Variants in MTRF1 observed in about 807,000 individuals in gnomAD.
The protein encoded by MTRF1 is mitochondrial translation release factor 1, also known as peptide chain release factor 1, mitochondrial.
In MTRF1, 51 loss-of-function variants were observed where a neutral mutation model predicts 62.9. The observed-to-expected ratio is 0.81, with a 90% confidence interval of 0.65 to 1.02. The LOEUF (loss-of-function observed/expected upper bound fraction) is 1.02, where lower values mean the gene tolerates loss of function less well. Ranked by LOEUF, MTRF1 falls within the 50% of genes least tolerant of loss-of-function variation. The pLI is 0.00. For synonymous variants in MTRF1, 158 were observed against 181.9 expected (o/e 0.87, Z 1.06); for missense variants, 446 against 530.0 (o/e 0.84, Z 1.56).
chr13:41,231,766 T>C (rs1253183368), intron 7 of MTRF1, among the ~76,000 whole-genome samples: 4 of 149,476 alleles, frequency 2.7e-5, no homozygotes. Flanking sequence ...ATGGGCTGAG[T>C]GTAGTGGCTC....
At chr13:41,231,878 C>CAAAAAAAAAAAAAACAAAAAAAAAAAA in intron 7 of MTRF1, among the ~76,000 whole-genome samples, 1 of 104,090 alleles carries the variant, frequency 9.6e-6, no homozygotes, top group Non-Finnish European at 2.0e-5. Flanking sequence ...TGGTGTCTAC[C>CAAAAAAAAAAAAAACAAAAAAAAAAAA]AAAAAAAAAA....
rs374983188 is a variant in MTRF1, at chr13:41,222,483, T to TG, written c.1224+772dup. Among the ~76,000 whole-genome samples, 500 of 152,284 alleles carry TG rather than the reference T, an allele frequency of 3.3e-3. 3 individuals carry two copies. The highest frequency in any genetic ancestry group is 0.011 in the African/African-American group (447 of 41,540). ...GTGCAGACAGGACCTGTGAAAATGATGGAGTATCATTCTAGTGCCTAGGTG... is the reference window on the plus strand; with the variant it reads ...GTGCAGACAGGACCTGTGAAAATGATGGGAGTATCATTCTAGTGCCTAGGTG... On this transcript the variant is annotated intron_variant, in intron 9 of 9. Coordinates refer to ENST00000379480, the MANE Select transcript of MTRF1 (RefSeq NM_004294.4).
intron 5 of MTRF1, among the ~76,000 whole-genome samples, chr13:41,248,101 G>T (rs191601663): frequency 4.2e-4 from 64 of 152,088 alleles, no homozygotes; most frequent in Non-Finnish European, 4.6e-4. Context: ...GTATCCTGGG[G>T]TGTCTCCTCA....
At chr13:41,311,384 CCAATTGCA>C in the MTRF1 span, 1 of 725,046 alleles carries the variant, frequency 1.4e-6, no homozygotes, top group East Asian at 2.9e-5. Context: ...GCCAGGCTGC[CCAATTGCA>C]ACTGTAGACC....
At chr13:41,252,569 C>A in intron 5 of MTRF1, 76 bp downstream of exon 5, 1 of 1,158,042 alleles carries the variant, frequency 8.6e-7, no homozygotes, top group East Asian at 2.5e-5. Flanking sequence ...AAAAATGGGA[C>A]AATATGGTTC....
the MTRF1 span, among the ~76,000 whole-genome samples, chr13:41,272,313 G>A: frequency 1.3e-5 from 2 of 152,186 alleles, no homozygotes; most frequent in Non-Finnish European, 2.9e-5. Context: ...AGGGGAAGGA[G>A]GTATAGGGTG....
chr13:41,265,471 C>A (rs1005196921), upstream of MTRF1, among the ~76,000 whole-genome samples: 1 of 151,558 alleles, frequency 6.6e-6, no homozygotes, highest in Non-Finnish European at 1.5e-5. Context: ...TGTTTATATT[C>A]ATAATCATGT....
chr13:41,227,235 C>T (rs929506780), intron 7 of MTRF1, among the ~76,000 whole-genome samples: 14 of 150,712 alleles, frequency 9.3e-5, no homozygotes, highest in African/African-American at 9.8e-5. Context: ...TGCAGTCAGC[C>T]GAGATTATGC....
At chr13:41,223,673 CA>C (rs2138693039) in intron 8 of MTRF1, among the ~76,000 whole-genome samples, 1 of 152,216 alleles carries the variant, frequency 6.6e-6, no homozygotes, top group African/African-American at 2.4e-5. Context: ...CTCTTTTATC[CA>C]AGTAGAAAAT....
At chr13:41,263,379 GGCA>G (rs1156752834) in intron 1 of MTRF1, 103 bp downstream of exon 1, 4 of 1,074,282 alleles carry the variant, frequency 3.7e-6, no homozygotes, top group Non-Finnish European at 5.0e-6. Flanking sequence ...CAGCCCGCGG[GGCA>G]GCAGCACGGG....
At chr13:41,254,935 A>G (rs1181788611) in intron 2 of MTRF1, among the ~76,000 whole-genome samples, 2 of 152,238 alleles carry the variant, frequency 1.3e-5, no homozygotes, top group African/African-American at 4.8e-5. Context: ...TGCTTAATAT[A>G]GAAACCCACA....
chr13:41,296,068 T>C, the MTRF1 span, among the ~76,000 whole-genome samples: 2 of 152,156 alleles, frequency 1.3e-5, no homozygotes, highest in Non-Finnish European at 2.9e-5. Flanking sequence ...CTTGGTCTCC[T>C]GAGTAGCTAG....
At chr13:41,269,835 T>C in the MTRF1 span, among the ~76,000 whole-genome samples, 1 of 152,218 alleles carries the variant, frequency 6.6e-6, no homozygotes, top group African/African-American at 2.4e-5. Context: ...CTGACCTAAC[T>C]GACTCCATCT....
At position 41,230,160 on chromosome 13, in the gene MTRF1, GT is replaced by G. The variant is rs551379887; in HGVS notation, c.989-3593del. ...GGGAAAAAATGGCATATTTTTATAT[GT>G]ACAGAAAAGAATTTGAAAGGATGTA... On this transcript the variant is annotated intron_variant, in intron 7 of 9. Transcript: ENST00000379480. 6.3e-4 allele frequency among the ~76,000 whole-genome samples: 96 copies of G among 151,688 alleles called. 1 individual carries two copies. In the East Asian group the frequency reaches 0.016, roughly 26 times the overall value.
intron 1 of MTRF1, chr13:41,261,451 A>G (rs1199812314): frequency 6.5e-6 from 1 of 152,684 alleles, no homozygotes. Context: ...TATATAATTA[A>G]CTGAAGCATA....
At chr13:41,302,754 G>A in the MTRF1 span, among the ~76,000 whole-genome samples, 1 of 152,060 alleles carries the variant, frequency 6.6e-6, no homozygotes, top group African/African-American at 2.4e-5. Context: ...TCAAACTCCT[G>A]GGCTCAAGTG....
At chr13:41,282,177 T>C in the MTRF1 span, among the ~76,000 whole-genome samples, 1 of 150,346 alleles carries the variant, frequency 6.7e-6, no homozygotes, top group African/African-American at 2.4e-5. Context: ...CTAACAGCTC[T>C]GGGAATAGGC....
chr13:41,287,614 CA>C, the MTRF1 span: 3 of 153,892 alleles, frequency 1.9e-5, no homozygotes, highest in African/African-American at 7.2e-5. Flanking sequence ...CTGAGTGGTT[CA>C]AAACGGTTTT....
intron 5 of MTRF1, among the ~76,000 whole-genome samples, chr13:41,242,852 G>A (rs146253989): frequency 0.011 from 1,678 of 152,236 alleles, 14 homozygotes; most frequent in South Asian, 0.036. Context: ...GCAAAGCTGA[G>A]GGGGGCAGAC....
Sources: allele counts gnomAD v4.1 joint callset (sites outside exome capture counted in the v4.1 genomes callset), GRCh38; gene constraint gnomAD v4.1.1; transcripts MANE v1.5; gene names NCBI Gene and HGNC (gene_info 2026-07-23, HGNC 2026-07-21).